TANC1: variants seen among roughly 807,000 people sequenced by gnomAD.
The protein encoded by TANC1 is tetratricopeptide repeat, ankyrin repeat and coiled-coil containing 1, also known as protein TANC1.
Under a neutral mutation model 149.7 loss-of-function variants are expected in TANC1, and 77 were observed. The ratio of observed to expected loss-of-function variants is 0.51; its 90% confidence interval spans 0.43 to 0.62. The LOEUF (loss-of-function observed/expected upper bound fraction) is 0.62, where lower values mean the gene tolerates loss of function less well. Ranked by LOEUF, TANC1 falls within the 20% of genes least tolerant of loss-of-function variation. TANC1 has a pLI of 0.00. For synonymous variants in TANC1, 854 were observed against 925.0 expected (o/e 0.92, Z 1.39); for missense variants, 1,985 against 2,321.8 (o/e 0.85, Z 2.98).
chr2:159,044,745 G>A (rs962065824), intron 2 of TANC1, among the ~76,000 whole-genome samples: 1 of 152,180 alleles, frequency 6.6e-6, no homozygotes, highest in Non-Finnish European at 1.5e-5. Context: ...TTCTCCATGG[G>A]TGTTGGAAAT....
rs58675911 is a variant in TANC1, at chr2:159,062,973, C to CAAAAAAAAAAAAAAAAAAAA, written c.-15-2920_-15-2901dup. ...TGGGCGACAGAGCGAGACTCCGTCT[C>CAAAAAAAAAAAAAAAAAAAA]AAAAAAAAAAAAAAAAAAAAAAGAA... On this transcript the variant is annotated intron_variant, in intron 2 of 26. Coordinates refer to ENST00000263635, the MANE Select transcript of TANC1 (RefSeq NM_033394.3). 5.8e-3 allele frequency among the ~76,000 whole-genome samples: 237 copies of CAAAAAAAAAAAAAAAAAAAA among 41,200 alleles called. 4 individuals carry two copies. Among genetic ancestry groups the CAAAAAAAAAAAAAAAAAAAA allele is most frequent in the Non-Finnish European group, 9.8e-3 (182 of 18,666 alleles). The allele number at this position is 41,200 out of a possible 152,430, so 27.0% of individuals were successfully genotyped here.
chr2:159,158,699 A>G (rs1288453994), intron 7 of TANC1, among the ~76,000 whole-genome samples: 1 of 152,244 alleles, frequency 6.6e-6, no homozygotes, highest in African/African-American at 2.4e-5. Flanking sequence ...CACATTCATA[A>G]GACTGTATTC....
In TANC1 at chr2:159,196,844, C is replaced by T. The variant is rs376330182; in HGVS notation, c.3165+51C>T. On this transcript the variant is annotated intron_variant, in intron 18 of 26. Transcript: ENST00000263635. ...TGGGAAACAAGAAGCTGTAGCCCAG[C>T]AAGTCAGTTGACACACTGAAGGACC... The T allele has an allele frequency of 9.8e-6, 15 of 1,528,924 alleles. No individual in the cohort carries two copies. In the South Asian group the frequency reaches 1.5e-4, roughly 15 times the overall value. 94.7% of individuals were successfully genotyped at this position (1,528,924 alleles called of 1,614,324 possible). A position where few individuals can be genotyped will look rare whatever the true frequency, so the allele number is the denominator to read the frequency against.
chr2:159,073,307 G>T lies in TANC1; in HGVS notation c.61+7336G>T, dbSNP rs545541572. Among the ~76,000 whole-genome samples, 4 of 152,236 alleles carry T rather than the reference G, an allele frequency of 2.6e-5. No individual in the cohort carries two copies. The South Asian group carries it at 6.2e-4, about 24-fold the overall frequency. On this transcript the variant is annotated intron_variant, in intron 3 of 26. Coordinates refer to ENST00000263635, the MANE Select transcript of TANC1 (RefSeq NM_033394.3). ...ACAGATATCTACCGTTTATCATTAG[G>T]CACCTACATGTAAGGCCCAAGCTGG...
chr2:159,031,929 A>T (rs2039812316), intron 2 of TANC1, among the ~76,000 whole-genome samples: 1 of 152,182 alleles, frequency 6.6e-6, no homozygotes, highest in South Asian at 2.1e-4. Flanking sequence ...TAACATTTAA[A>T]CCAATTTTAT....
chr2:159,171,871 A>AAAAAAAAAAAG lies in TANC1; in HGVS notation c.1352-246_1352-245insAAAAAAGAAAA, dbSNP rs70994272. On this transcript the variant is annotated intron_variant, in intron 10 of 26. Transcript: ENST00000263635. ...GACTCCGCCTTAAAAAAAAAAAAAA[A>AAAAAAAAAAAG]AAAAGAAAAAGAAAAAAAAAATTTA... 4.8e-4 allele frequency among the ~76,000 whole-genome samples: 51 copies of AAAAAAAAAAAG among 105,586 alleles called. 3 individuals carry two copies. The highest frequency in any genetic ancestry group is 8.5e-4 in the South Asian group (3 of 3,530). The allele number at this position is 105,586 out of a possible 152,430, so 69.3% of individuals were successfully genotyped here.
chr2:159,092,898 G>A (rs537127806), intron 3 of TANC1, among the ~76,000 whole-genome samples: 3 of 152,278 alleles, frequency 2.0e-5, no homozygotes, highest in Admixed American at 1.3e-4. Context: ...GCTCTTAAAC[G>A]TGTGAAGTGG....
At chr2:159,095,812 G>T (rs1574629246) in intron 3 of TANC1, among the ~76,000 whole-genome samples, 1 of 148,580 alleles carries the variant, frequency 6.7e-6, no homozygotes, top group Non-Finnish European at 1.5e-5. Context: ...CTATATGGAG[G>T]GGGTGACTCT....
At chr2:159,032,792 T>C (rs1339107450) in intron 2 of TANC1, among the ~76,000 whole-genome samples, 1 of 152,020 alleles carries the variant, frequency 6.6e-6, no homozygotes, top group African/African-American at 2.4e-5. Flanking sequence ...GGTTAGGAGT[T>C]CCCTTCTGCA....
chr2:158,999,403 C>G (rs1034466934), intron 1 of TANC1, among the ~76,000 whole-genome samples: 7 of 152,134 alleles, frequency 4.6e-5, no homozygotes, highest in Admixed American at 2.0e-4. Context: ...TTATAAATAG[C>G]AAGGGAGGTT....
intron 6 of TANC1, 33 bp downstream of exon 6, chr2:159,149,305 C>G: frequency 2.5e-6 from 4 of 1,613,794 alleles, no homozygotes; most frequent in Non-Finnish European, 3.4e-6. Context: ...CATTGCATAC[C>G]TCTTCAGAGG....
chr2:159,046,589 CTTTTTTTTTTTTTTT>C (rs57208685), intron 2 of TANC1, among the ~76,000 whole-genome samples: 5 of 84,388 alleles, frequency 5.9e-5, no homozygotes, highest in East Asian at 6.1e-4. Flanking sequence ...CTTTTCTTTA[CTTTTTTTTTTTTTTT>C]TTTTTTTTTT....
intron 2 of TANC1, among the ~76,000 whole-genome samples, chr2:159,037,676 G>A (rs1292965082): frequency 6.6e-6 from 1 of 152,142 alleles, no homozygotes; most frequent in Non-Finnish European, 1.5e-5. Context: ...GATGTGTGAT[G>A]TCATTTCTGA....
At chr2:159,144,742 G>A in intron 5 of TANC1, among the ~76,000 whole-genome samples, 1 of 152,116 alleles carries the variant, frequency 6.6e-6, no homozygotes, top group African/African-American at 2.4e-5. Flanking sequence ...AGGAGGGAGG[G>A]AATGGTAATG....
intron 4 of TANC1, among the ~76,000 whole-genome samples, chr2:159,120,234 T>G (rs1375681638): frequency 1.3e-5 from 2 of 152,142 alleles, no homozygotes; most frequent in African/African-American, 4.8e-5. Context: ...ATGACTGTGA[T>G]AGCATGTGGA....
intron 2 of TANC1, among the ~76,000 whole-genome samples, chr2:159,051,366 C>T (rs1433899251): frequency 2.0e-5 from 3 of 152,156 alleles, no homozygotes; most frequent in African/African-American, 7.2e-5. Flanking sequence ...TGCTGCGTCA[C>T]AATAGTGACT....
At chr2:158,975,107 G>A (rs539971587) in intron 1 of TANC1, among the ~76,000 whole-genome samples, 1 of 151,998 alleles carries the variant, frequency 6.6e-6, no homozygotes, top group South Asian at 2.1e-4. Context: ...TAATGTAAAT[G>A]CTAGATAAAT....
chr2:159,000,852 G>A (rs2036562254), intron 1 of TANC1, among the ~76,000 whole-genome samples: 1 of 152,162 alleles, frequency 6.6e-6, no homozygotes, highest in Non-Finnish European at 1.5e-5. Context: ...TTAAGTGCAG[G>A]CGTAATGAGA....
Position 159,028,422 on chromosome 2 carries a change from A to G in TANC1, c.-16+27233A>G, listed in dbSNP as rs558444901. On this transcript the variant is annotated intron_variant, in intron 2 of 26. Transcript: ENST00000263635. ...AGGTGTGAGCCATCATGTCGGGCCT[A>G]TTCTTTACTGTTTATACTTCTCTTG... 3.0e-4 allele frequency among the ~76,000 whole-genome samples: 46 copies of G among 152,298 alleles called. No individual in the cohort carries two copies. The South Asian group carries it at 7.0e-3, about 23-fold the overall frequency.
Sources: gnomAD v4.1 joint callset for allele counts (sites outside exome capture counted in the v4.1 genomes callset) on GRCh38, gnomAD v4.1.1 for gene constraint, MANE v1.5 for transcripts, NCBI Gene and HGNC (gene_info 2026-07-23, HGNC 2026-07-21) for gene names.